Variants in GPR22 observed in about 807,000 individuals in gnomAD.
GPR22 encodes the protein G-protein coupled receptor 22.
Under a neutral mutation model 31.0 loss-of-function variants are expected in GPR22, and 13 were observed. The ratio of observed to expected loss-of-function variants is 0.42; its 90% confidence interval spans 0.27 to 0.67. The LOEUF (loss-of-function observed/expected upper bound fraction) is 0.67. Among genes scored for constraint, GPR22 ranks in the 30% least tolerant of loss-of-function variants. GPR22 has a pLI of 0.25. For missense variants in GPR22, 368 were observed against 509.6 expected (o/e 0.72, Z 2.67); for synonymous variants, 191 against 173.4 (o/e 1.10, Z -0.80).
chr7:107,476,603 C>T (rs3801954), downstream of GPR22, among the ~76,000 whole-genome samples: 41,808 of 151,290 alleles, frequency 0.28, 5,813 homozygotes, highest in East Asian at 0.33. Flanking sequence ...AATTGGGAAC[C>T]TCATATCAAA....
chr7:107,476,892 G>A (rs1299438924), downstream of GPR22, among the ~76,000 whole-genome samples: 1 of 151,636 alleles, frequency 6.6e-6, no homozygotes, highest in East Asian at 1.9e-4. Flanking sequence ...AATCCTTGGA[G>A]AAATGAATAC....
Position 107,474,079 on chromosome 7 carries a change from C to G in GPR22, c.19C>G (p.Leu7Val). The part of the protein sequence containing the change: MCFSPI[L>V]EINMQSESNI... ...CAAAAGAATGTGTTTTTCTCCCATT[C>G]TGGAAATCAACATGCAGTCTGAATC... Residue 7 changes from leucine (L) to valine (V), a missense_variant, in exon 3 of 3, where the codon CTG (leucine) becomes GTG (valine). By Grantham distance (32) the Leu-to-Val change is conservative. Coordinates refer to ENST00000304402, the MANE Select transcript of GPR22 (RefSeq NM_005295.3). The surrounding 1 kb of genome is among the most constrained non-coding windows in gnomAD (Gnocchi z 5.7). 1 of 1,565,686 alleles carries G rather than the reference C, an allele frequency of 6.4e-7. No individual in the cohort carries two copies. The highest frequency in any genetic ancestry group is 8.7e-7 in the Non-Finnish European group (1 of 1,152,926).
chr7:107,473,011 A>G (rs1017079945), intron 2 of GPR22: 8 of 151,976 alleles, frequency 5.3e-5, no homozygotes, highest in African/African-American at 1.7e-4. Context: ...AATTAGCAAA[A>G]GCGTTTGTAT....
chr7:107,471,811 A>G lies in GPR22; in HGVS notation c.-518A>G, dbSNP rs1479324494. ...TCATATCAATTGGTATGACTAATGG[A>G]TTTTTCTATCTGACTTTTATGACCA... On this transcript the variant is annotated 5_prime_UTR_variant, in exon 2 of 3. Transcript: ENST00000304402. 6.6e-6 allele frequency: 1 copy of G among 151,914 alleles called. No individual in the cohort carries two copies. The highest frequency in any genetic ancestry group is 1.5e-5 in the Non-Finnish European group (1 of 67,900). The allele number at this position is 151,914 out of a possible 1,614,324, so 9.4% of individuals were successfully genotyped here. A position where few individuals can be genotyped will look rare whatever the true frequency, so the allele number is the denominator to read the frequency against.
chr7:107,473,287 TA>T (rs1796748794), intron 2 of GPR22, among the ~76,000 whole-genome samples: 1 of 151,938 alleles, frequency 6.6e-6, no homozygotes, highest in Non-Finnish European at 1.5e-5. Context: ...GGTCACAAAA[TA>T]AATCATTTCA....
In GPR22 at chr7:107,471,371, G is replaced by A. The variant is rs1301718240; in HGVS notation, c.-957-1G>A. 1 of 151,874 alleles carries A rather than the reference G, an allele frequency of 6.6e-6. No homozygotes were observed. Among genetic ancestry groups the A allele is most frequent in the African/African-American group, 2.4e-5 (1 of 41,390 alleles). 9.4% of individuals were successfully genotyped at this position (151,874 alleles called of 1,614,324 possible). A position where few individuals can be genotyped will look rare whatever the true frequency, so the allele number is the denominator to read the frequency against. ...TTAACCAATTTTCTTCTTTTCACAA[G>A]GGCCAATAGCAGCTAATTCAGTATT... On this transcript the variant is annotated splice_acceptor_variant, in intron 1 of 2. Coordinates refer to ENST00000304402, the MANE Select transcript of GPR22 (RefSeq NM_005295.3). LOFTEE classifies it low-confidence loss of function (5UTR_SPLICE).
chr7:107,475,173 A>G lies in GPR22; in HGVS notation c.1113A>G (p.Arg371=). 1 of 1,610,714 alleles carries G rather than the reference A, an allele frequency of 6.2e-7. No individual in the cohort carries two copies. Among genetic ancestry groups the G allele is most frequent in the Middle Eastern group, 1.7e-4 (1 of 6,036 alleles). ...ACCCTCTATTATATGCATTCACTAGACAAAAATTTCAAAAGGTCTTGAAAA... is the reference window on the plus strand; with the variant it reads ...ACCCTCTATTATATGCATTCACTAGGCAAAAATTTCAAAAGGTCTTGAAAA... ...IFHPLLYAFT[R]QKFQKVLKSK... The change falls in exon 3 of 3, where the codon AGA becomes AGG. Residue 371 remains arginine, a synonymous_variant. Coordinates refer to ENST00000304402, the MANE Select transcript of GPR22 (RefSeq NM_005295.3).
rs781322709 is a variant in GPR22 at position 107,471,404 on chromosome 7, G to A, written c.-925G>A. On this transcript the variant is annotated 5_prime_UTR_variant, in exon 2 of 3. Transcript: ENST00000304402. ...AGCAGCTAATTCAGTATTTACAACT[G>A]ACAATATGAAGAATGCAATTGACTG... 2 of 151,916 alleles carry A rather than the reference G, an allele frequency of 1.3e-5. No individual in the cohort carries two copies. The highest frequency in any genetic ancestry group is 1.5e-5 in the Non-Finnish European group (1 of 67,902). 9.4% of individuals were successfully genotyped at this position (151,916 alleles called of 1,614,324 possible).
chr7:107,476,146 T>C (rs1026080153), downstream of GPR22, among the ~76,000 whole-genome samples: 31 of 131,992 alleles, frequency 2.3e-4, no homozygotes, highest in Admixed American at 2.1e-3. Context: ...TGCTTAAGTC[T>C]AAGCCAAATG....
chr7:107,476,184 T>TAAAAAAAAAAAAA (rs34741713), downstream of GPR22, among the ~76,000 whole-genome samples: 8 of 44,058 alleles, frequency 1.8e-4, no homozygotes, highest in African/African-American at 2.0e-4. Flanking sequence ...GCAATGATTT[T>TAAAAAAAAAAAAA]AAAAAAAAAA....
In GPR22 at chr7:107,475,418, TA is replaced by T. The variant is rs1796914055; in HGVS notation, c.*61del. On this transcript the variant is annotated 3_prime_UTR_variant, in exon 3 of 3. Coordinates refer to ENST00000304402, the MANE Select transcript of GPR22 (RefSeq NM_005295.3). ...TCAAATGAGTTTTAAATTTAAATTG[TA>T]AAAACTGATATTACTGCCAAATATA... 5.1e-6 allele frequency: 4 copies of T among 788,632 alleles called. No homozygotes were observed. In the African/African-American group the frequency reaches 7.0e-5, roughly 14 times the overall value. The allele number at this position is 788,632 out of a possible 1,614,324, so 48.9% of individuals were successfully genotyped here. A position where few individuals can be genotyped will look rare whatever the true frequency, so the allele number is the denominator to read the frequency against.
Position 107,474,564 on chromosome 7 carries a change from T to G in GPR22, c.504T>G (p.Ser168=). ...VMLMISIWIF[S]FFSFLIPFIE... Reference sequence around the variant, plus strand: ...TAATGATATCCATTTGGATTTTTTCTTTTTTCTCTTTCCTGATTCCTTTTA... The same window carrying G: ...TAATGATATCCATTTGGATTTTTTCGTTTTTCTCTTTCCTGATTCCTTTTA... The change falls in exon 3 of 3, where the codon TCT becomes TCG. Residue 168 remains serine, a synonymous_variant. Coordinates refer to ENST00000304402, the MANE Select transcript of GPR22 (RefSeq NM_005295.3). This position sits in a 1 kb window ranked among gnomAD's most constrained non-coding sequence, Gnocchi z 5.7. 6.2e-7 allele frequency: 1 copy of G among 1,611,042 alleles called. No individual in the cohort carries two copies. The highest frequency in any genetic ancestry group is 8.5e-7 in the Non-Finnish European group (1 of 1,178,614).
downstream of GPR22, among the ~76,000 whole-genome samples, chr7:107,475,968 AC>A (rs1387405949): frequency 1.3e-5 from 2 of 151,202 alleles, no homozygotes; most frequent in Non-Finnish European, 3.0e-5. Context: ...AACCAAAAAA[AC>A]CTCTGTATAC....
intron 2 of GPR22, among the ~76,000 whole-genome samples, chr7:107,473,186 G>C (rs1796742928): frequency 6.6e-6 from 1 of 151,738 alleles, no homozygotes; most frequent in African/African-American, 2.4e-5. Flanking sequence ...AATGTCAACT[G>C]ATATATTCCT....
chr7:107,475,667 A>C lies in GPR22; in HGVS notation c.*305A>C. 4.6e-6 allele frequency: 1 copy of C among 216,172 alleles called. No individual in the cohort carries two copies. Among genetic ancestry groups the C allele is most frequent in the East Asian group, 1.1e-4 (1 of 8,700 alleles). The allele number at this position is 216,172 out of a possible 1,614,324, so 13.4% of individuals were successfully genotyped here. On this transcript the variant is annotated 3_prime_UTR_variant, in exon 3 of 3. Coordinates refer to ENST00000304402, the MANE Select transcript of GPR22 (RefSeq NM_005295.3). ...ATACATAGCCTTAAAACAGTGTATA[A>C]CTTTAAAATGTAACTGACATAGGTA...
downstream of GPR22, among the ~76,000 whole-genome samples, chr7:107,476,183 T>TAAAAAAAAAAAAAAAA (rs1563056700): frequency 2.9e-3 from 247 of 86,026 alleles, 5 homozygotes; most frequent in East Asian, 4.9e-3. Context: ...TGCAATGATT[T>TAAAAAAAAAAAAAAAA]TAAAAAAAAA....
chr7:107,470,955 A>G (rs553174242), intron 1 of GPR22, among the ~76,000 whole-genome samples: 250 of 152,076 alleles, frequency 1.6e-3, no homozygotes, highest in African/African-American at 5.7e-3. Flanking sequence ...AATTCAAACC[A>G]TGTGCTAATA....
chr7:107,471,731 T>C lies in GPR22; in HGVS notation c.-598T>C, dbSNP rs754951328. On this transcript the variant is annotated 5_prime_UTR_variant, in exon 2 of 3. Transcript: ENST00000304402. ...TCCAAAAAGAAAAGAAAATACTTTA[T>C]CAGCACACAAAAGGAAGATTTAGGA... 6.6e-6 allele frequency: 1 copy of C among 152,032 alleles called. No homozygotes were observed. Among genetic ancestry groups the C allele is most frequent in the African/African-American group, 2.4e-5 (1 of 41,424 alleles). The allele number at this position is 152,032 out of a possible 1,614,324, so 9.4% of individuals were successfully genotyped here.
downstream of GPR22, among the ~76,000 whole-genome samples, chr7:107,477,590 G>A (rs927162390): frequency 2.0e-5 from 3 of 151,684 alleles, no homozygotes; most frequent in African/African-American, 4.8e-5. Flanking sequence ...TTGACCATCC[G>A]TAATGATCTT....
Sources: allele counts gnomAD v4.1 joint callset (sites outside exome capture counted in the v4.1 genomes callset), GRCh38; gene constraint gnomAD v4.1.1; non-coding constraint Gnocchi (gnomAD v3.1); transcripts MANE v1.5; gene names NCBI Gene and HGNC (gene_info 2026-07-23, HGNC 2026-07-21).